LIPI: variants seen among roughly 807,000 people sequenced by gnomAD.
LIPI encodes lipase I, also known as lipase member I.
LIPI carries 59 observed loss-of-function variants against 50.6 expected under a neutral mutation model. That is an observed-to-expected ratio of 1.16 (90% CI 0.94 to 1.45). The LOEUF is 1.45. LIPI is among the 40% of genes most tolerant of loss of function. The pLI is 0.00. For missense variants in LIPI, 586 were observed against 536.3 expected (o/e 1.09, Z -0.92); for synonymous variants, 203 against 178.2 (o/e 1.14, Z -1.11).
chr21:14,172,036 C>G (rs1162281222), intron 4 of LIPI, among the ~76,000 whole-genome samples: 1 of 151,976 alleles, frequency 6.6e-6, no homozygotes, highest in Admixed American at 6.6e-5. Flanking sequence ...AACAAACAAC[C>G]CCATCAAAAA....
chr21:14,181,962 C>CTT, intron 3 of LIPI, 103 bp from the exon 4 acceptor site: 1 of 716,762 alleles, frequency 1.4e-6, no homozygotes, highest in South Asian at 1.5e-5. Context: ...AGCATTTATA[C>CTT]TTTTAGTTTA....
intron 7 of LIPI, among the ~76,000 whole-genome samples, chr21:14,159,084 T>C (rs2018373972): frequency 6.6e-6 from 1 of 151,484 alleles, no homozygotes; most frequent in Non-Finnish European, 1.5e-5. Context: ...TCTTGCACGA[T>C]CTCTTTCAGA....
At chr21:14,122,288 G>T (rs1354552099) in intron 9 of LIPI, among the ~76,000 whole-genome samples, 1 of 152,182 alleles carries the variant, frequency 6.6e-6, no homozygotes, top group South Asian at 2.1e-4. Context: ...AATCAAACCA[G>T]CTACTCTGTC....
chr21:14,178,968 C>A (rs149527807), intron 4 of LIPI, among the ~76,000 whole-genome samples: 1 of 152,078 alleles, frequency 6.6e-6, no homozygotes, highest in African/African-American at 2.4e-5. Context: ...ACTCAGATAA[C>A]GAGAAGCTTT....
intron 9 of LIPI, among the ~76,000 whole-genome samples, chr21:14,117,300 A>G (rs967143859): frequency 7.4e-6 from 1 of 135,508 alleles, no homozygotes; most frequent in Non-Finnish European, 1.6e-5. Flanking sequence ...AATGCTGTCC[A>G]TCTTCTTAAC....
At chr21:14,178,284 G>T (rs1033939462) in intron 4 of LIPI, among the ~76,000 whole-genome samples, 1 of 151,990 alleles carries the variant, frequency 6.6e-6, no homozygotes, top group Non-Finnish European at 1.5e-5. Flanking sequence ...TATAGTCTTT[G>T]TTCCATTTTT....
chr21:14,127,356 T>A (rs1266232719), intron 9 of LIPI, among the ~76,000 whole-genome samples: 2 of 152,166 alleles, frequency 1.3e-5, no homozygotes, highest in East Asian at 3.9e-4. Context: ...CATACATTGA[T>A]CCAAACATGT....
intron 9 of LIPI, among the ~76,000 whole-genome samples, chr21:14,134,636 C>T (rs566722053): frequency 4.7e-4 from 72 of 152,116 alleles, no homozygotes; most frequent in African/African-American, 1.7e-3. Flanking sequence ...GTAATAAAGC[C>T]ATACCCTACA....
intron 6 of LIPI, 39 bp from the exon 7 acceptor site, chr21:14,163,562 C>T (rs1481377823): frequency 2.1e-6 from 2 of 954,338 alleles, no homozygotes; most frequent in Admixed American, 1.7e-5. Flanking sequence ...ATTGGATTTC[C>T]ATCAAATAAC....
chr21:14,141,980 G>C (rs1303121804), intron 9 of LIPI, among the ~76,000 whole-genome samples: 1 of 152,104 alleles, frequency 6.6e-6, no homozygotes, highest in African/African-American at 2.4e-5. Context: ...ACAACTTCTA[G>C]ACATCTCTAA....
At chr21:14,201,669 A>G (rs896343591) in intron 1 of LIPI, among the ~76,000 whole-genome samples, 1 of 152,170 alleles carries the variant, frequency 6.6e-6, no homozygotes, top group Non-Finnish European at 1.5e-5. Context: ...TAAATTAGGT[A>G]TTGATGGGAC....
chr21:14,146,936 A>G (rs769882786), intron 8 of LIPI, among the ~76,000 whole-genome samples: 1 of 151,248 alleles, frequency 6.6e-6, no homozygotes, highest in Non-Finnish European at 1.5e-5. Context: ...ACGCCACCAC[A>G]CCCAGCTAAT....
chr21:14,126,837 G>A (rs571097639), intron 9 of LIPI, among the ~76,000 whole-genome samples: 99 of 152,296 alleles, frequency 6.5e-4, no homozygotes, highest in African/African-American at 2.1e-3. Flanking sequence ...CTTGGGCACA[G>A]TGGTTGCCAG....
intron 7 of LIPI, among the ~76,000 whole-genome samples, chr21:14,157,528 T>C (rs1318881448): frequency 6.6e-6 from 1 of 151,934 alleles, no homozygotes; most frequent in East Asian, 1.9e-4. Flanking sequence ...GAGAACGTTA[T>C]AGTGGTATAA....
At chr21:14,166,770 C>A (rs1407503084) in intron 4 of LIPI, among the ~76,000 whole-genome samples, 1 of 152,196 alleles carries the variant, frequency 6.6e-6, no homozygotes, top group Non-Finnish European at 1.5e-5. Context: ...CTTCAGCTCC[C>A]AGTGTGAGTG....
At chr21:14,150,784 C>T (rs1047672471) in intron 8 of LIPI, among the ~76,000 whole-genome samples, 5 of 152,036 alleles carry the variant, frequency 3.3e-5, no homozygotes, top group African/African-American at 9.7e-5. Context: ...AAGTTTCTCT[C>T]AATAAAAGAT....
intron 8 of LIPI, 34 bp downstream of exon 8, chr21:14,152,539 T>C (rs774254849): frequency 9.8e-7 from 1 of 1,017,754 alleles, no homozygotes; most frequent in South Asian, 1.3e-5. Context: ...AAACATTGAA[T>C]ATATGAGAGA....
chr21:14,141,386 GT>G lies in LIPI; in HGVS notation c.1295+3236del, dbSNP rs34169754. Among the ~76,000 whole-genome samples the G allele has an allele frequency of 1.8e-3, 264 of 149,944 alleles. 1 individual carries two copies. Among genetic ancestry groups the G allele is most frequent in the East Asian group, 9.8e-3 (50 of 5,126 alleles). On this transcript the variant is annotated intron_variant, in intron 9 of 9. Coordinates refer to ENST00000681601, the MANE Select transcript of LIPI (RefSeq NM_001302998.2). ...ATGTTGATACCAAATAACTTTAGTT[GT>G]TTTTTTTTTTTTAACTCAGCCAACC...
chr21:14,204,941 C>G (rs530002682), intron 1 of LIPI, among the ~76,000 whole-genome samples: 1 of 151,466 alleles, frequency 6.6e-6, no homozygotes, highest in Non-Finnish European at 1.5e-5. Flanking sequence ...TAAAGAAACA[C>G]TATAAACTAG....
Sources: gnomAD v4.1 joint callset for allele counts (sites outside exome capture counted in the v4.1 genomes callset) on GRCh38, gnomAD v4.1.1 for gene constraint, MANE v1.5 for transcripts, NCBI Gene and HGNC (gene_info 2026-07-23, HGNC 2026-07-21) for gene names.